Variants in MAP4K4 observed in about 807,000 individuals in gnomAD.
MAP4K4 encodes the protein mitogen-activated protein kinase kinase kinase kinase 4.
Under a neutral mutation model 189.6 loss-of-function variants are expected in MAP4K4, and 38 were observed. The ratio of observed to expected loss-of-function variants is 0.20; its 90% CI spans 0.15 to 0.26. MAP4K4 has a LOEUF of 0.26. Ranked by LOEUF, MAP4K4 falls within the 10% of genes least tolerant of loss-of-function variation. The pLI is 1.00. For synonymous variants in MAP4K4, 610 were observed against 624.3 expected, an observed-to-expected ratio of 0.98 and a Z score of 0.34; for missense variants, 1,054 against 1,726.9, an observed-to-expected ratio of 0.61 and a Z score of 6.91.
At chr2:101,752,024 GT>G (rs764186655) in intron 2 of MAP4K4, among the ~76,000 whole-genome samples, 131 of 152,300 alleles carry the variant, frequency 8.6e-4, no homozygotes, top group Non-Finnish European at 1.4e-3. Flanking sequence ...TGACCTCTGT[GT>G]TTGTAGGGTG....
chr2:101,786,096 A>G (rs1433123078), intron 2 of MAP4K4, among the ~76,000 whole-genome samples: 1 of 152,116 alleles, frequency 6.6e-6, no homozygotes, highest in African/African-American at 2.4e-5. Flanking sequence ...AAGTGCTGAG[A>G]TTACAGGTGT....
intron 7 of MAP4K4, among the ~76,000 whole-genome samples, chr2:101,833,238 G>C (rs2096640048): frequency 6.6e-6 from 1 of 152,144 alleles, no homozygotes; most frequent in Admixed American, 6.5e-5. Flanking sequence ...TTAATTCCTT[G>C]GTTAAGATAG....
intron 2 of MAP4K4, among the ~76,000 whole-genome samples, chr2:101,743,269 C>T (rs1475566007): frequency 6.6e-6 from 1 of 152,080 alleles, no homozygotes; most frequent in Admixed American, 6.6e-5. Flanking sequence ...GCTCTTTTGC[C>T]TTGTTTTTTG....
intron 2 of MAP4K4, among the ~76,000 whole-genome samples, chr2:101,758,820 A>T (rs904601213): frequency 1.3e-5 from 2 of 152,172 alleles, no homozygotes; most frequent in African/African-American, 2.4e-5. Flanking sequence ...GTGATCTCTT[A>T]TGGATGTTCG....
intron 22 of MAP4K4, 100 bp from the exon 23 acceptor site, chr2:101,870,195 C>A (rs1577114605): frequency 2.4e-6 from 3 of 1,228,778 alleles, no homozygotes; most frequent in South Asian, 1.5e-5. Flanking sequence ...ATATCGGTAG[C>A]CTCATCTCAT....
Position 101,824,458 on chromosome 2 carries a change from T to C in MAP4K4, c.306+405T>C, listed in dbSNP as rs139964632. ...ACAGATCTCAAGAAACAAACTTCTGTCAGTAGCTTATTAATAATATTAATG... is the reference window on the plus strand; with the variant it reads ...ACAGATCTCAAGAAACAAACTTCTGCCAGTAGCTTATTAATAATATTAATG... On this transcript the variant is annotated intron_variant, in intron 4 of 32. Coordinates refer to ENST00000324219, the Ensembl canonical transcript of MAP4K4. Among the ~76,000 whole-genome samples, 678 of 152,290 alleles carry C rather than the reference T, an allele frequency of 4.5e-3. 5 individuals carry two copies. Among genetic ancestry groups the C allele is most frequent in the African/African-American group, 0.015 (638 of 41,562 alleles).
At chr2:101,806,624 C>T (rs1047092838) in intron 3 of MAP4K4, among the ~76,000 whole-genome samples, 20 of 152,176 alleles carry the variant, frequency 1.3e-4, no homozygotes, top group Admixed American at 7.9e-4. Flanking sequence ...GTGATCCGCC[C>T]GCCTTGGCCT....
At chr2:101,728,750 C>T (rs553958360) in intron 2 of MAP4K4, among the ~76,000 whole-genome samples, 35 of 152,300 alleles carry the variant, frequency 2.3e-4, no homozygotes, top group African/African-American at 7.2e-4. Context: ...AACTCCTGAC[C>T]TCAAGTGATC....
At chr2:101,803,245 A>ATGATGATGTGTG (rs1553484242) in intron 3 of MAP4K4, among the ~76,000 whole-genome samples, 127 of 150,358 alleles carry the variant, frequency 8.4e-4, no homozygotes, top group African/African-American at 3.1e-3. Context: ...GATGATGATG[A>ATGATGATGTGTG]TGTGTGTGTG....
rs373431148 is a variant in MAP4K4 at position 101,756,621 on chromosome 2, C to A, written c.124-34099C>A. Among the ~76,000 whole-genome samples, 197 of 152,186 alleles carry A rather than the reference C, an allele frequency of 1.3e-3. 1 individual carries two copies. The highest frequency in any genetic ancestry group is 4.4e-3 in the African/African-American group (184 of 41,516). On this transcript the variant is annotated intron_variant, in intron 2 of 32. Transcript: ENST00000324219. ...TTATGCTGGAGTGCTGTGGCTTGAT[C>A]ACAGCTCGCTACAGCTTGGACCTCC...
At position 101,802,155 on chromosome 2, in the gene MAP4K4, GAACA is replaced by G. The variant is rs370685259; in HGVS notation, c.180+11384_180+11387del. 4.5e-3 allele frequency among the ~76,000 whole-genome samples: 685 copies of G among 152,292 alleles called. 8 individuals are homozygous for G. Among genetic ancestry groups the G allele is most frequent in the African/African-American group, 0.015 (638 of 41,554 alleles). ...CCTCATAGTCTATGAGAGTCTGTAA[GAACA>G]AACAGATACAAATCTGACCCTTCTC... On this transcript the variant is annotated intron_variant, in intron 3 of 32. Coordinates refer to ENST00000324219, the Ensembl canonical transcript of MAP4K4.
intron 2 of MAP4K4, among the ~76,000 whole-genome samples, chr2:101,714,605 A>G (rs953066721): frequency 1.3e-5 from 2 of 152,204 alleles, no homozygotes; most frequent in Non-Finnish European, 2.9e-5. Flanking sequence ...GAGCCTTCCT[A>G]AGAAGTTTGA....
chr2:101,770,569 G>A (rs147775405), intron 2 of MAP4K4, among the ~76,000 whole-genome samples: 1,749 of 152,170 alleles, frequency 0.011, 30 homozygotes, highest in African/African-American at 0.04. Context: ...GAACCACTGC[G>A]CCCCCTGGCC....
chr2:101,808,797 A>ATT (rs1220408824), intron 3 of MAP4K4, among the ~76,000 whole-genome samples: 12 of 150,792 alleles, frequency 8.0e-5, no homozygotes, highest in African/African-American at 2.5e-4. Context: ...TTTTAGTTTC[A>ATT]TTGTGTGTGT....
At chr2:101,702,023 G>A (rs555176448) in intron 2 of MAP4K4, among the ~76,000 whole-genome samples, 6 of 152,086 alleles carry the variant, frequency 3.9e-5, no homozygotes, top group Non-Finnish European at 7.4e-5. Context: ...GTGCCATCAC[G>A]TCCAGCTAAT....
At chr2:101,808,698 A>G (rs116271408) in intron 3 of MAP4K4, among the ~76,000 whole-genome samples, 10,236 of 152,168 alleles carry the variant, frequency 0.067, 440 homozygotes, top group African/African-American at 0.12. Context: ...TTCCAGGGAT[A>G]AAATATAGAG....
chr2:101,791,767 T>C (rs1173325073), intron 3 of MAP4K4, among the ~76,000 whole-genome samples: 9 of 152,212 alleles, frequency 5.9e-5, no homozygotes, highest in African/African-American at 1.7e-4. Context: ...CATGGGTATT[T>C]GTCAGTAAGA....
In MAP4K4 at chr2:101,871,496, TAC is replaced by T; in HGVS notation, c.2765_2766del (p.Thr922SerfsTer2). 6.5e-7 allele frequency: 1 copy of T among 1,533,810 alleles called. No homozygotes were observed. Among genetic ancestry groups the T allele is most frequent in the Non-Finnish European group, 8.7e-7 (1 of 1,145,538 alleles). ...AAGTGTGCCTGTTTTTTCTACAGAGTACAGTTGACCAAAAGCGTGCCAGCCAT... is the reference window on the plus strand; with the variant it reads ...AAGTGTGCCTGTTTTTTCTACAGAGTAGTTGACCAAAAGCGTGCCAGCCAT... On this transcript the variant is annotated frameshift_variant, in exon 24 of 33. Transcript: ENST00000324219. LOFTEE classifies it high-confidence loss of function.
intron 3 of MAP4K4, among the ~76,000 whole-genome samples, chr2:101,816,159 G>A (rs1002519544): frequency 2.0e-5 from 3 of 152,162 alleles, no homozygotes; most frequent in African/African-American, 7.2e-5. Flanking sequence ...AACTCTCAGG[G>A]TCACTGCCCT....
Sources: gnomAD v4.1 joint callset for allele counts (sites outside exome capture counted in the v4.1 genomes callset) on GRCh38, gnomAD v4.1.1 for gene constraint, MANE v1.5 for transcripts, NCBI Gene and HGNC (gene_info 2026-07-23, HGNC 2026-07-21) for gene names.